The following NOP56 variants were observed in gnomAD, a reference collection of about 807,000 sequenced individuals.
NOP56 encodes the protein nucleolar protein 56.
In NOP56, 31 loss-of-function variants were observed where a neutral mutation model predicts 58.3. The ratio of observed to expected loss-of-function variants is 0.53; its 90% CI spans 0.40 to 0.72. The LOEUF (loss-of-function observed/expected upper bound fraction) is 0.72, where lower values mean the gene tolerates loss of function less well. Ranked by LOEUF, NOP56 falls within the 30% of genes least tolerant of loss-of-function variation. The pLI, the probability that NOP56 is intolerant of heterozygous loss-of-function variation, is 0.00. For missense variants in NOP56, 669 were observed against 739.9 expected (o/e 0.90, Z 1.11); for synonymous variants, 313 against 282.8 (o/e 1.11, Z -1.07).
Position 2,652,681 on chromosome 20 carries a change from G to A in NOP56, c.3+18G>A. Reference sequence around the variant, plus strand: ...GCGCCATGGTGAGGAGTGGTTGCGGGGCGCGGGCGACGCGACGGTGGGGGT... The same window carrying A: ...GCGCCATGGTGAGGAGTGGTTGCGGAGCGCGGGCGACGCGACGGTGGGGGT... On this transcript the variant is annotated intron_variant, in intron 1 of 11. Coordinates refer to ENST00000329276, the MANE Select transcript of NOP56 (RefSeq NM_006392.4). 1.5e-6 allele frequency: 1 copy of A among 672,090 alleles called. No individual in the cohort carries two copies. Among genetic ancestry groups the A allele is most frequent in the Non-Finnish European group, 1.9e-6 (1 of 513,550 alleles). The allele number at this position is 672,090 out of a possible 1,614,324, so 41.6% of individuals were successfully genotyped here. A position where few individuals can be genotyped will look rare whatever the true frequency, so the allele number is the denominator to read the frequency against.
At position 2,657,198 on chromosome 20, in the gene NOP56, A is replaced by C; in HGVS notation, c.1399A>C (p.Ser467Arg). The C allele has an allele frequency of 6.2e-7, 1 of 1,614,188 alleles. No homozygotes were observed. ...CCTCGCGTCTTCAGAAAACAGCAGT[A>C]GTACTCCAGAGGAGTGTGAGGTCAG... is the stretch of plus-strand genomic sequence containing the variant. ...LALASSENSS[S>R]TPEECEEMSE... Residue 467 changes from serine to arginine, a missense_variant, in exon 11 of 12, where the codon AGT becomes CGT. Coordinates refer to ENST00000329276, the MANE Select transcript of NOP56 (RefSeq NM_006392.4).
chr20:2,654,356 G>A, intron 3 of NOP56, 58 bp from the exon 4 acceptor site: 14 of 1,596,328 alleles, frequency 8.8e-6, no homozygotes, highest in Non-Finnish European at 1.2e-5. Flanking sequence ...TCAGCTGAGG[G>A]ATGTTAGAGT....
At chr20:2,657,020 A>C in intron 10 of NOP56, 61 bp from the exon 11 acceptor site, 1 of 1,614,100 alleles carries the variant, frequency 6.2e-7, no homozygotes. Flanking sequence ...CAATAAAGCC[A>C]GAAAGGAGTC....
At chr20:2,652,694 C>A in intron 1 of NOP56, 31 bp downstream of exon 1, 1 of 1,469,194 alleles carries the variant, frequency 6.8e-7, no homozygotes, top group South Asian at 1.4e-5. Flanking sequence ...GCGGGCGACG[C>A]GACGGTGGGG....
Position 2,658,118 on chromosome 20 carries a change from T to G in NOP56, c.1609T>G (p.Ser537Ala). ...GSTSIPKRKK[S>A]TPKEETVNDP... is the part of the protein sequence containing the mutation. ...CACCAGTATTCCCAAGAGGAAGAAG[T>G]CTACACCCAAGGAGGAAACAGTTAA... is the stretch of plus-strand genomic sequence containing the variant. The change falls in exon 12 of 12, where the codon TCT becomes GCT. Residue 537 changes from serine to alanine, a missense_variant. Ser to Ala is a moderately conservative substitution (Grantham distance 99). Transcript: ENST00000329276. 1 of 1,613,924 alleles carries G rather than the reference T, an allele frequency of 6.2e-7. No individual in the cohort carries two copies. Among genetic ancestry groups the G allele is most frequent in the East Asian group, 2.2e-5 (1 of 44,864 alleles).
intron 3 of NOP56, 101 bp from the exon 4 acceptor site, chr20:2,654,313 G>T: frequency 8.4e-7 from 1 of 1,189,212 alleles, no homozygotes. Context: ...ATCTAGGTAT[G>T]CCATCCCAGC....
At position 2,655,299 on chromosome 20, in the gene NOP56, CA is replaced by C. The variant is rs2086802686; in HGVS notation, c.570-25del. On this transcript the variant is annotated intron_variant, in intron 5 of 11. Transcript: ENST00000329276. ...ATGGTTTTTGATGAAGCAGCTGGGC[CA>C]GGGAGTGACTGTGGCTCTTTGCAGG... The C allele has an allele frequency of 1.9e-6, 3 of 1,613,810 alleles. No homozygotes were observed. The African/African-American group carries it at 4.0e-5, about 22-fold the overall frequency.
rs754160900 is a variant in NOP56, at chr20:2,657,949, AAAG to A, written c.1446_1448del (p.Lys484del). 3.8e-6 allele frequency: 6 copies of A among 1,588,192 alleles called. No homozygotes were observed. Among genetic ancestry groups the A allele is most frequent in the Admixed American group, 1.8e-5 (1 of 55,180 alleles). ...TTTAGGAGATGAGTGAAAAACCCAAAAAGAAGAAAAAGCAAAAGCCCCAGGAGG... is the reference window on the plus strand; with the variant it reads ...TTTAGGAGATGAGTGAAAAACCCAAAAAGAAAAAGCAAAAGCCCCAGGAGG... On this transcript the variant is annotated inframe_deletion, in exon 12 of 12. Coordinates refer to ENST00000329276, the MANE Select transcript of NOP56 (RefSeq NM_006392.4).
chr20:2,652,668 G>A lies in NOP56; in HGVS notation c.3+5G>A. On this transcript the variant is annotated splice_donor_5th_base_variant and intron_variant, in intron 1 of 11. Transcript: ENST00000329276. Reference sequence around the variant, plus strand: ...AACCCGGGAGCTGGCGCCATGGTGAGGAGTGGTTGCGGGGCGCGGGCGACG... The same window carrying A: ...AACCCGGGAGCTGGCGCCATGGTGAAGAGTGGTTGCGGGGCGCGGGCGACG... The A allele has an allele frequency of 1.4e-6, 2 of 1,458,150 alleles. No homozygotes were observed. Among genetic ancestry groups the A allele is most frequent in the Admixed American group, 2.7e-5 (1 of 36,686 alleles). 90.3% of individuals were successfully genotyped at this position (1,458,150 alleles called of 1,614,324 possible). A position where few individuals can be genotyped will look rare whatever the true frequency, so the allele number is the denominator to read the frequency against.
rs750556624 is a variant in NOP56, at chr20:2,652,862, T to C, written c.24T>C (p.Phe8=). ...TCCAGGTGCTGTTGCACGTGCTGTT[T>C]GAGCACGCGGTCGGCTACGCGCTGC... MVLLHVL[F]EHAVGYALLA... Residue 8 remains phenylalanine, a synonymous_variant, in exon 2 of 12, where the codon TTT becomes TTC. Transcript: ENST00000329276. 2 of 1,611,546 alleles carry C rather than the reference T, an allele frequency of 1.2e-6. No homozygotes were observed. The highest frequency in any genetic ancestry group is 1.7e-6 in the Non-Finnish European group (2 of 1,179,232).
chr20:2,653,484 T>C, intron 3 of NOP56, 91 bp downstream of exon 3: 1 of 1,019,980 alleles, frequency 9.8e-7, no homozygotes, highest in Non-Finnish European at 1.5e-6. Flanking sequence ...CGTCCTTGGC[T>C]GGCTCTGAGT....
chr20:2,656,074 C>G (rs757826338), intron 8 of NOP56, 40 bp downstream of exon 8: 54 of 1,613,846 alleles, frequency 3.3e-5, no homozygotes, highest in Non-Finnish European at 4.3e-5. Context: ...GGTGCCACTT[C>G]TGGTGCCCAC....
chr20:2,656,646 C>A, intron 9 of NOP56, 97 bp downstream of exon 9: 1 of 1,605,096 alleles, frequency 6.2e-7, no homozygotes, highest in Admixed American at 1.7e-5. Context: ...CAATATTTTT[C>A]GTCAACAGCA....
chr20:2,652,992 C>T (rs1422853809), intron 2 of NOP56, 61 bp downstream of exon 2: 28 of 1,430,530 alleles, frequency 2.0e-5, no homozygotes, highest in Non-Finnish European at 2.6e-5. Flanking sequence ...CGGGTCCCAG[C>T]ATGCACAGCG....
At chr20:2,655,561 C>T (rs774044715) in intron 6 of NOP56, 34 bp from the exon 7 acceptor site, 3 of 1,614,170 alleles carry the variant, frequency 1.9e-6, no homozygotes, top group South Asian at 1.1e-5. Flanking sequence ...CTCTAAATAG[C>T]TGGCCTCTTG....
In NOP56 at chr20:2,654,775, G is replaced by A; in HGVS notation, c.397G>A (p.Val133Met). The A allele has an allele frequency of 6.2e-7, 1 of 1,614,042 alleles. No homozygotes were observed. The highest frequency in any genetic ancestry group is 1.3e-5 in the African/African-American group (1 of 75,054). The change falls in exon 5 of 12, where the codon GTG becomes ATG. Residue 133 changes from valine to methionine, a missense_variant. Around this residue, in one of 3 missense-constraint regions of NOP56, gnomAD observed 339 missense variants for 430.5 expected, o/e 0.79. Transcript: ENST00000329276. The stretch of plus-strand genomic sequence containing the variant: ...AGTTCGTCTGCACTTCCACAATCTG[G>A]TGAAGGGTCTGACCGATCTGTCAGC... ...RGVRLHFHNL[V>M]KGLTDLSACK... is the part of the protein sequence containing the mutation.
chr20:2,655,956 A>C lies in NOP56; in HGVS notation c.932A>C (p.His311Pro). Residue 311 changes from histidine to proline, a missense_variant, in exon 8 of 12, where the codon CAT becomes CCT. Transcript: ENST00000329276. The stretch of plus-strand genomic sequence containing the variant: ...CAGGTAGGTGCACGTCTCATCGCAC[A>C]TGCTGGCAGCCTCACCAACCTGGCC... The part of the protein sequence containing the change: ...GEAVGARLIA[H>P]AGSLTNLAKY... The C allele has an allele frequency of 6.2e-7, 1 of 1,614,184 alleles. No individual in the cohort carries two copies. The highest frequency in any genetic ancestry group is 8.5e-7 in the Non-Finnish European group (1 of 1,180,028).
Position 2,655,642 on chromosome 20 carries a change from A to G in NOP56, c.805A>G (p.Ser269Gly), listed in dbSNP as rs1436270099. ...CTTGATAAACATCGAGAGCTTCTCCAGTCGTGTGGTGTCTTTATCTGAATA... is the reference window on the plus strand; with the variant it reads ...CTTGATAAACATCGAGAGCTTCTCCGGTCGTGTGGTGTCTTTATCTGAATA... ...IDLINIESFS[S>G]RVVSLSEYRQ... Residue 269 changes from serine (S) to glycine (G), a missense_variant, in exon 7 of 12, where the codon AGT (serine) becomes GGT (glycine). By Grantham distance (56) the Ser-to-Gly change is moderately conservative. Around this residue, in one of 3 missense-constraint regions of NOP56, gnomAD observed 339 missense variants for 430.5 expected, o/e 0.79. Transcript: ENST00000329276. 1 of 1,614,204 alleles carries G rather than the reference A, an allele frequency of 6.2e-7. No homozygotes were observed. Among genetic ancestry groups the G allele is most frequent in the Non-Finnish European group, 8.5e-7 (1 of 1,180,020 alleles).
At position 2,653,359 on chromosome 20, in the gene NOP56, G is replaced by C; in HGVS notation, c.174G>C (p.Gln58His). The C allele has an allele frequency of 6.2e-7, 1 of 1,614,168 alleles. No homozygotes were observed. The highest frequency in any genetic ancestry group is 8.5e-7 in the Non-Finnish European group (1 of 1,180,028). Reference protein sequence around the residue: ...LVAFCPFASSQVALENANAVS... With the variant: ...LVAFCPFASSHVALENANAVS... ...CCTTTTGTCCCTTTGCCTCATCCCA[G>C]GTTGCCTTGGAAAATGCCAACGCCG... Residue 58 changes from glutamine (Q) to histidine (H), a missense_variant, in exon 3 of 12, where the codon CAG becomes CAC. Physicochemically the swap from Gln to His is conservative, Grantham distance 24. Transcript: ENST00000329276.
Sources: allele counts gnomAD v4.1 joint callset, GRCh38; gene constraint gnomAD v4.1.1; regional missense constraint gnomAD v4.1.1; transcripts MANE v1.5; gene names NCBI Gene and HGNC (gene_info 2026-07-23, HGNC 2026-07-21).